The following ADAMTS12 variants were observed in gnomAD, a reference collection of about 807,000 sequenced individuals.
The protein encoded by ADAMTS12 is A disintegrin and metalloproteinase with thrombospondin motifs 12.
Under a neutral mutation model 167.8 loss-of-function variants are expected in ADAMTS12, and 118 were observed. The ratio of observed to expected loss-of-function variants is 0.70; its 90% confidence interval spans 0.61 to 0.82. The LOEUF (loss-of-function observed/expected upper bound fraction) is 0.82, where lower values mean the gene tolerates loss of function less well. Ranked by LOEUF, ADAMTS12 falls within the 40% of genes least tolerant of loss-of-function variation. The pLI is 0.00. For missense variants in ADAMTS12, 1,916 were observed against 1,998.8 expected, an observed-to-expected ratio of 0.96 and a Z score of 0.79; for synonymous variants, 704 against 716.9, an observed-to-expected ratio of 0.98 and a Z score of 0.29.
chr5:33,875,541 A>T (rs1750198401), intron 2 of ADAMTS12, among the ~76,000 whole-genome samples: 1 of 152,240 alleles, frequency 6.6e-6, no homozygotes, highest in Non-Finnish European at 1.5e-5. Flanking sequence ...CCATCATATT[A>T]ATAGGCTAAA....
intron 2 of ADAMTS12, among the ~76,000 whole-genome samples, chr5:33,868,842 G>A (rs958659168): frequency 6.6e-5 from 10 of 152,144 alleles, no homozygotes; most frequent in African/African-American, 9.7e-5. Flanking sequence ...AGCCCAAGAC[G>A]ATTCTTCTTT....
intron 2 of ADAMTS12, among the ~76,000 whole-genome samples, chr5:33,781,820 A>G (rs555334078): frequency 2.0e-5 from 3 of 152,034 alleles, no homozygotes; most frequent in African/African-American, 7.2e-5. Context: ...AGCATTAGGT[A>G]TATCTCCTAA....
In ADAMTS12 at chr5:33,834,603, T is replaced by C. The variant is rs1579976581; in HGVS notation, c.489+46516A>G. Among the ~76,000 whole-genome samples the C allele has an allele frequency of 2.0e-5, 3 of 152,268 alleles. No homozygotes were observed. In the South Asian group the frequency reaches 6.2e-4, roughly 32 times the overall value. On this transcript the variant is annotated intron_variant, in intron 2 of 23. Coordinates refer to ENST00000504830, the MANE Select transcript of ADAMTS12 (RefSeq NM_030955.4). ...AGGCCAGGAGCCCTGCCCTTCTCTA[T>C]GAATCCCCACTGGAGGAGTCAGAAG...
intron 2 of ADAMTS12, among the ~76,000 whole-genome samples, chr5:33,769,397 T>C (rs16899932): frequency 0.016 from 2,392 of 152,228 alleles, 92 homozygotes; most frequent in East Asian, 0.14. Flanking sequence ...CAGCTCTTAA[T>C]AGAAATGACC....
intron 16 of ADAMTS12, among the ~76,000 whole-genome samples, chr5:33,607,324 T>C (rs1038735138): frequency 6.6e-6 from 1 of 152,070 alleles, no homozygotes; most frequent in African/African-American, 2.4e-5. Context: ...TTCAAAAAAT[T>C]CTACAGACAA....
intron 16 of ADAMTS12, among the ~76,000 whole-genome samples, chr5:33,609,977 C>T (rs565948020): frequency 6.0e-4 from 91 of 151,804 alleles, no homozygotes; most frequent in African/African-American, 2.1e-3. Context: ...GTCAGGAGCT[C>T]GAGACCCGCC....
chr5:33,615,182 C>T (rs574201966), intron 15 of ADAMTS12, among the ~76,000 whole-genome samples: 86 of 152,252 alleles, frequency 5.6e-4, no homozygotes, highest in African/African-American at 1.9e-3. Context: ...CAAAGTCTCC[C>T]GACACTCATG....
chr5:33,798,506 T>C lies in ADAMTS12; in HGVS notation c.490-46958A>G, dbSNP rs563435948. ...CCCAGGCTGGAATGCAATGGTGCAA[T>C]CTCGGCTCACTGCAATCTCCGCCTC... On this transcript the variant is annotated intron_variant, in intron 2 of 23. Coordinates refer to ENST00000504830, the MANE Select transcript of ADAMTS12 (RefSeq NM_030955.4). Among the ~76,000 whole-genome samples the C allele has an allele frequency of 7.6e-5, 11 of 144,328 alleles. No individual in the cohort carries two copies. The South Asian group carries it at 2.6e-3, about 35-fold the overall frequency. 94.7% of individuals were successfully genotyped at this position (144,328 alleles called of 152,430 possible).
intron 2 of ADAMTS12, among the ~76,000 whole-genome samples, chr5:33,759,564 C>A (rs193051758): frequency 6.6e-6 from 1 of 152,312 alleles, no homozygotes. Flanking sequence ...AATCTGCTGT[C>A]TCTGTGGATG....
At chr5:33,843,384 T>A (rs116508382) in intron 2 of ADAMTS12, among the ~76,000 whole-genome samples, 262 of 151,582 alleles carry the variant, frequency 1.7e-3, no homozygotes, top group African/African-American at 6.2e-3. Context: ...TGGCTTGACA[T>A]GGAGGTCAGA....
intron 3 of ADAMTS12, among the ~76,000 whole-genome samples, chr5:33,694,718 G>A (rs921600602): frequency 6.6e-5 from 10 of 152,134 alleles, no homozygotes; most frequent in East Asian, 1.9e-4. Flanking sequence ...CTTGAAATGC[G>A]CTGTACACAA....
chr5:33,778,923 C>G (rs1746014549), intron 2 of ADAMTS12, among the ~76,000 whole-genome samples: 1 of 152,048 alleles, frequency 6.6e-6, no homozygotes, highest in African/African-American at 2.4e-5. Flanking sequence ...CACTAACCAT[C>G]AGGAAAATGC....
chr5:33,625,804 C>T (rs1184673918), intron 13 of ADAMTS12, among the ~76,000 whole-genome samples: 1 of 152,182 alleles, frequency 6.6e-6, no homozygotes, highest in African/African-American at 2.4e-5. Flanking sequence ...TTCCTGTGAG[C>T]TGCATGCAGT....
At chr5:33,830,763 G>A (rs1285320160) in intron 2 of ADAMTS12, among the ~76,000 whole-genome samples, 1 of 152,072 alleles carries the variant, frequency 6.6e-6, no homozygotes, top group African/African-American at 2.4e-5. Flanking sequence ...CCGCACTCCA[G>A]CCTAGGCAAC....
chr5:33,583,302 G>A (rs898223672), intron 18 of ADAMTS12, among the ~76,000 whole-genome samples: 3 of 151,996 alleles, frequency 2.0e-5, no homozygotes, highest in Non-Finnish European at 4.4e-5. Context: ...GTTTATCCAC[G>A]TTGTTGCAAA....
intron 2 of ADAMTS12, among the ~76,000 whole-genome samples, chr5:33,842,054 C>T (rs1485471019): frequency 6.6e-6 from 1 of 152,188 alleles, no homozygotes; most frequent in Non-Finnish European, 1.5e-5. Flanking sequence ...ATTAGCACCA[C>T]TCATGCAATC....
Position 33,576,320 on chromosome 5 carries a change from C to A in ADAMTS12, c.3706G>T (p.Val1236Phe). The part of the protein sequence containing the change: ...PTTSETGTPR[V>F]EGMVTEKPAN... ...GGCTTTTCAGTAACCATCCCCTCAA[C>A]TCTGGGTGTCCCAGTTTCGGAAGTA... Residue 1236 changes from valine (V) to phenylalanine (F), a missense_variant, in exon 19 of 24, where the codon GTT (valine) becomes TTT (phenylalanine). Transcript: ENST00000504830. The A allele has an allele frequency of 6.2e-7, 1 of 1,614,204 alleles. No homozygotes were observed. Among genetic ancestry groups the A allele is most frequent in the South Asian group, 1.1e-5 (1 of 91,078 alleles).
At chr5:33,883,327 G>GTT (rs79064946) in intron 1 of ADAMTS12, among the ~76,000 whole-genome samples, 37 of 111,594 alleles carry the variant, frequency 3.3e-4, no homozygotes, top group Non-Finnish European at 3.8e-4. Flanking sequence ...TTTTTTTTTT[G>GTT]TTTTTTTTTT....
At chr5:33,672,223 A>G (rs1741733863) in intron 5 of ADAMTS12, among the ~76,000 whole-genome samples, 1 of 148,058 alleles carries the variant, frequency 6.8e-6, no homozygotes, top group South Asian at 2.2e-4. Flanking sequence ...ATACATACAC[A>G]CAGATCCACA....
Sources: allele counts gnomAD v4.1 joint callset (sites outside exome capture counted in the v4.1 genomes callset), GRCh38; gene constraint gnomAD v4.1.1; transcripts MANE v1.5; gene names NCBI Gene and HGNC (gene_info 2026-07-23, HGNC 2026-07-21).